OR56A4: variants seen among roughly 807,000 people sequenced by gnomAD.
OR56A4 encodes olfactory receptor family 56 subfamily A member 4.
In OR56A4, 9 loss-of-function variants were observed where a neutral mutation model predicts 13.6. The ratio of observed to expected loss-of-function variants is 0.66; its 90% confidence interval spans 0.40 to 1.15. The LOEUF (loss-of-function observed/expected upper bound fraction) is 1.15, where lower values mean the gene tolerates loss of function less well. Ranked by LOEUF, OR56A4 falls within the 50% of genes most tolerant of loss-of-function variation. The pLI is 0.01. For missense variants in OR56A4, 380 were observed against 375.9 expected, an observed-to-expected ratio of 1.01 and a Z score of -0.09; for synonymous variants, 167 against 153.9, an observed-to-expected ratio of 1.08 and a Z score of -0.63.
chr11:6,003,306 A>C, intron 2 of OR56A4: 1 of 514,590 alleles, frequency 1.9e-6, no homozygotes. Flanking sequence ...TTGTAAGAAG[A>C]ATCTTCTACC....
chr11:6,002,223 A>G lies in OR56A4; in HGVS notation c.770T>C (p.Val257Ala). Residue 257 changes from valine to alanine, a missense_variant, in exon 3 of 3, where the codon GTC becomes GCC. Transcript: ENST00000641156. Reference sequence around the variant, plus strand: ...GTTAGTGATGACCAGAACCAGCAGGACTGTGCTGAAGAAGAGGATGAGGAT... The same window carrying G: ...GTTAGTGATGACCAGAACCAGCAGGGCTGTGCTGAAGAAGAGGATGAGGAT... Reference protein sequence around the residue: ...HFILILFFSTVLLVLVITNLA... With the variant: ...HFILILFFSTALLVLVITNLA... 6.2e-7 allele frequency: 1 copy of G among 1,614,174 alleles called. No individual in the cohort carries two copies. The highest frequency in any genetic ancestry group is 8.5e-7 in the Non-Finnish European group (1 of 1,180,014).
Position 6,002,511 on chromosome 11 carries a change from G to T in OR56A4, c.482C>A (p.Pro161His), listed in dbSNP as rs1158254378. ...VIARNAFVSL[P>H]VPMLSARLRY... is the part of the protein sequence containing the mutation. Reference sequence around the variant, plus strand: ...GAGCCTGGCAGAAAGCATGGGAACAGGAAGAGAAACAAAGGCATTCCGGGC... The same window carrying T: ...GAGCCTGGCAGAAAGCATGGGAACATGAAGAGAAACAAAGGCATTCCGGGC... The change falls in exon 3 of 3, where the codon CCT becomes CAT. Residue 161 changes from proline (P) to histidine (H), a missense_variant. By Grantham distance (77) the Pro-to-His change is moderately conservative. Coordinates refer to ENST00000641156, the MANE Select transcript of OR56A4 (RefSeq NM_001005179.4). 6.2e-7 allele frequency: 1 copy of T among 1,614,116 alleles called. No individual in the cohort carries two copies. The highest frequency in any genetic ancestry group is 1.7e-5 in the Admixed American group (1 of 60,006).
rs957243803 is a variant in OR56A4, at chr11:6,003,192, A to G, written c.-36-164T>C. The G allele has an allele frequency of 5.6e-6, 7 of 1,240,452 alleles. No individual in the cohort carries two copies. The African/African-American group carries it at 9.1e-5, about 16-fold the overall frequency. The allele number at this position is 1,240,452 out of a possible 1,614,324, so 76.8% of individuals were successfully genotyped here. ...AAGTATGTATCATATGCCAGCCACA[A>G]TGTTTTATATTCATTATCTCATTTC... is the stretch of plus-strand genomic sequence containing the variant. On this transcript the variant is annotated intron_variant, in intron 2 of 2. Coordinates refer to ENST00000641156, the MANE Select transcript of OR56A4 (RefSeq NM_001005179.4).
intron 2 of OR56A4, among the ~76,000 whole-genome samples, chr11:6,005,363 T>C (rs529686648): frequency 7.9e-5 from 12 of 152,296 alleles, no homozygotes; most frequent in African/African-American, 2.9e-4. Flanking sequence ...AAGTAATGAC[T>C]AGTAATTAGG....
intron 2 of OR56A4, among the ~76,000 whole-genome samples, chr11:6,004,069 T>C (rs1190650566): frequency 6.6e-6 from 1 of 152,156 alleles, no homozygotes; most frequent in East Asian, 1.9e-4. Flanking sequence ...AGGCAGAATG[T>C]AGCCAGGGAG....
intron 2 of OR56A4, among the ~76,000 whole-genome samples, chr11:6,005,897 AT>A (rs1433938671): frequency 2.6e-5 from 4 of 152,186 alleles, no homozygotes; most frequent in Admixed American, 2.0e-4. Context: ...ATTTCAACAT[AT>A]GAATTTTCCG....
intron 2 of OR56A4, among the ~76,000 whole-genome samples, chr11:6,005,698 T>C (rs1262030593): frequency 3.3e-5 from 5 of 152,234 alleles, no homozygotes; most frequent in Non-Finnish European, 7.3e-5. Context: ...CTTGTCTGGC[T>C]AGAGCTCATT....
intron 2 of OR56A4, 162 bp from the exon 3 acceptor site, chr11:6,003,190 C>A (rs1319814224): frequency 3.0e-6 from 4 of 1,317,718 alleles, no homozygotes; most frequent in Non-Finnish European, 4.2e-6. Context: ...ATGCCAGCCA[C>A]AATGTTTTAT....
chr11:6,002,245 G>C lies in OR56A4; in HGVS notation c.748C>G (p.Leu250Val), dbSNP rs141151096. The C allele has an allele frequency of 4.7e-4, 755 of 1,614,134 alleles. No homozygotes were observed. The highest frequency in any genetic ancestry group is 5.9e-4 in the Non-Finnish European group (695 of 1,179,994). Reference sequence around the variant, plus strand: ...AGGACTGTGCTGAAGAAGAGGATGAGGATGAAGTGGGAACCACACGTGCTC... The same window carrying C: ...AGGACTGTGCTGAAGAAGAGGATGACGATGAAGTGGGAACCACACGTGCTC... ...ALSTCGSHFI[L>V]ILFFSTVLLV... The change falls in exon 3 of 3, where the codon CTC becomes GTC. Residue 250 changes from leucine to valine, a missense_variant. Physicochemically the swap from Leu to Val is conservative, Grantham distance 32 (BLOSUM62 1). Coordinates refer to ENST00000641156, the MANE Select transcript of OR56A4 (RefSeq NM_001005179.4).
At chr11:6,003,599 A>G (rs574180421) in intron 2 of OR56A4, among the ~76,000 whole-genome samples, 55 of 152,286 alleles carry the variant, frequency 3.6e-4, no homozygotes, top group African/African-American at 1.3e-3. Context: ...TAAACAGTAC[A>G]TCGTTGGGAT....
Position 6,002,747 on chromosome 11 carries a change from G to C in OR56A4, c.246C>G (p.Pro82=). 1 of 1,614,164 alleles carries C rather than the reference G, an allele frequency of 6.2e-7. No individual in the cohort carries two copies. The highest frequency in any genetic ancestry group is 8.5e-7 in the Non-Finnish European group (1 of 1,180,012). ...LDIVLCLTVI[P]KVLAIFWFDL... is the part of the protein sequence containing the mutation. ...CAAACCAGAAGATGGCCAGGACCTTGGGGATGACGGTGAGGCAGAGCACGA... is the reference window on the plus strand; with the variant it reads ...CAAACCAGAAGATGGCCAGGACCTTCGGGATGACGGTGAGGCAGAGCACGA... The change falls in exon 3 of 3, where the codon CCC becomes CCG. Residue 82 remains proline, a synonymous_variant. Transcript: ENST00000641156.
At position 6,000,807 on chromosome 11, in the gene OR56A4, C is replaced by T. The variant is rs770822035; in HGVS notation, c.*1244G>A. 2.0e-5 allele frequency: 3 copies of T among 151,904 alleles called. No homozygotes were observed. The highest frequency in any genetic ancestry group is 4.8e-5 in the African/African-American group (2 of 41,314). 9.4% of individuals were successfully genotyped at this position (151,904 alleles called of 1,614,324 possible). A position where few individuals can be genotyped will look rare whatever the true frequency, so the allele number is the denominator to read the frequency against. On this transcript the variant is annotated 3_prime_UTR_variant, in exon 3 of 3. Coordinates refer to ENST00000641156, the MANE Select transcript of OR56A4 (RefSeq NM_001005179.4). ...AGAGAAAACAAAGTTTAAGATAAGT[C>T]GAAAGTATGTTAGGGCTAGAATATA...
In OR56A4 at chr11:5,999,541, T is replaced by C. The variant is rs1848199962; in HGVS notation, c.*2510A>G. The C allele has an allele frequency of 6.6e-6, 1 of 152,222 alleles. No individual in the cohort carries two copies. Among genetic ancestry groups the C allele is most frequent in the South Asian group, 2.1e-4 (1 of 4,828 alleles). 9.4% of individuals were successfully genotyped at this position (152,222 alleles called of 1,614,324 possible). A position where few individuals can be genotyped will look rare whatever the true frequency, so the allele number is the denominator to read the frequency against. ...ATTTTATCTGAGAATAAAATTCCAG[T>C]TCTCCAGACTGTCTCAATCCTAATG... On this transcript the variant is annotated 3_prime_UTR_variant, in exon 3 of 3. Transcript: ENST00000641156.
At position 6,003,045 on chromosome 11, in the gene OR56A4, G is replaced by A. The variant is rs201265542; in HGVS notation, c.-36-17C>T. ...CCAGTGTACCTTAAAACGTAGTAGAGAAGTACAGAAACATAAAAAGTACAT... is the reference window on the plus strand; with the variant it reads ...CCAGTGTACCTTAAAACGTAGTAGAAAAGTACAGAAACATAAAAAGTACAT... On this transcript the variant is annotated splice_polypyrimidine_tract_variant and intron_variant, in intron 2 of 2. Transcript: ENST00000641156. The A allele has an allele frequency of 1.3e-4, 217 of 1,613,780 alleles. No individual in the cohort carries two copies. Among genetic ancestry groups the A allele is most frequent in the Non-Finnish European group, 1.7e-4 (197 of 1,179,770 alleles).
chr11:6,001,767 C>G lies in OR56A4; in HGVS notation c.*284G>C, dbSNP rs1848214464. On this transcript the variant is annotated 3_prime_UTR_variant, in exon 3 of 3. Coordinates refer to ENST00000641156, the MANE Select transcript of OR56A4 (RefSeq NM_001005179.4). ...GTCAAACACTTCCATTCTAATACAG[C>G]TCCATTTGTCAAAGTCTTGGCAAGA... 6.1e-6 allele frequency: 2 copies of G among 329,572 alleles called. No homozygotes were observed. Among genetic ancestry groups the G allele is most frequent in the Admixed American group, 9.0e-5 (2 of 22,326 alleles). The allele number at this position is 329,572 out of a possible 1,614,324, so 20.4% of individuals were successfully genotyped here.
In OR56A4 at chr11:6,002,712, G is replaced by C. The variant is rs746095013; in HGVS notation, c.281C>G (p.Ser94Trp). 8.1e-6 allele frequency: 13 copies of C among 1,614,222 alleles called. No individual in the cohort carries two copies. Among genetic ancestry groups the C allele is most frequent in the Non-Finnish European group, 1.1e-5 (13 of 1,180,040 alleles). The change falls in exon 3 of 3, where the codon TCG becomes TGG. Residue 94 changes from serine to tryptophan, a missense_variant. By Grantham distance (177) the Ser-to-Trp change is radical. Coordinates refer to ENST00000641156, the MANE Select transcript of OR56A4 (RefSeq NM_001005179.4). Reference protein sequence around the residue: ...VLAIFWFDLRSISFPACFLQM... With the variant: ...VLAIFWFDLRWISFPACFLQM... ...GAGGAAGCAGGCTGGGAAGCTGATC[G>C]ACCTGAGGTCAAACCAGAAGATGGC...
chr11:6,002,685 T>C lies in OR56A4; in HGVS notation c.308A>G (p.Gln103Arg), dbSNP rs1478169169. 4.3e-6 allele frequency: 7 copies of C among 1,614,084 alleles called. No individual in the cohort carries two copies. The highest frequency in any genetic ancestry group is 4.5e-5 in the East Asian group (2 of 44,892). The change falls in exon 3 of 3, where the codon CAG (glutamine) becomes CGG (arginine). Residue 103 changes from glutamine to arginine, a missense_variant. Physicochemically the swap from Gln to Arg is conservative, Grantham distance 43. Coordinates refer to ENST00000641156, the MANE Select transcript of OR56A4 (RefSeq NM_001005179.4). ...CAAAAAACTGTTCATGATGAACATC[T>C]GGAGGAAGCAGGCTGGGAAGCTGAT... ...RSISFPACFL[Q>R]MFIMNSFLTM...
At position 6,002,272 on chromosome 11, in the gene OR56A4, A is replaced by C; in HGVS notation, c.721T>G (p.Leu241Val). 1 of 1,614,232 alleles carries C rather than the reference A, an allele frequency of 6.2e-7. No homozygotes were observed. Residue 241 changes from leucine to valine, a missense_variant, in exon 3 of 3, where the codon TTG becomes GTG. By Grantham distance (32) the Leu-to-Val change is conservative. Coordinates refer to ENST00000641156, the MANE Select transcript of OR56A4 (RefSeq NM_001005179.4). ...ATGAAGTGGGAACCACACGTGCTCA[A>C]GGCCTTGGCCACAGCACCCTCGGCC... ...IKAEGAVAKA[L>V]STCGSHFILI...
intron 2 of OR56A4, 60 bp from the exon 3 acceptor site, chr11:6,003,088 G>A (rs1449131822): frequency 6.2e-7 from 1 of 1,608,106 alleles, no homozygotes; most frequent in Non-Finnish European, 8.5e-7. Context: ...GTAGTAGAGT[G>A]TGGGTTTCCA....
Sources: allele counts gnomAD v4.1 joint callset (sites outside exome capture counted in the v4.1 genomes callset), GRCh38; gene constraint gnomAD v4.1.1; transcripts MANE v1.5; gene names NCBI Gene and HGNC (gene_info 2026-07-23, HGNC 2026-07-21).